Variants in CEP72 observed in about 807,000 individuals in gnomAD.
CEP72 encodes the protein centrosomal protein of 72 kDa.
In CEP72, 78 loss-of-function variants were observed where a neutral mutation model predicts 65.7. That is an observed-to-expected ratio of 1.19 (90% CI 0.99 to 1.43). The LOEUF (loss-of-function observed/expected upper bound fraction) is 1.43. Ranked by LOEUF, CEP72 falls within the 40% of genes most tolerant of loss-of-function variation. The probability of loss-of-function intolerance (pLI) is 0.00; values close to 1 mark genes in which losing one functional copy is unlikely to be tolerated. For synonymous variants in CEP72, 358 were observed against 351.7 expected (o/e 1.02, Z -0.20); for missense variants, 914 against 832.9 (o/e 1.10, Z -1.20).
Position 642,757 on chromosome 5 carries a change from G to A in CEP72, c.1540-1542G>A, listed in dbSNP as rs983071843. 6.1e-6 allele frequency: 6 copies of A among 985,408 alleles called. No individual in the cohort carries two copies. In the African/African-American group the frequency reaches 1.0e-4, roughly 17 times the overall value. The allele number at this position is 985,408 out of a possible 1,614,324, so 61.0% of individuals were successfully genotyped here. Reference sequence around the variant, plus strand: ...GAGCCCCGCGGGTAAGGAGCAGTCAGCACCGTCAGGAACCCCGCGGAGGGA... The same window carrying A: ...GAGCCCCGCGGGTAAGGAGCAGTCAACACCGTCAGGAACCCCGCGGAGGGA... On this transcript the variant is annotated intron_variant, in intron 9 of 11. Transcript: ENST00000264935.
At chr5:641,246 G>A (rs1421524775) in intron 9 of CEP72, 1 of 985,288 alleles carries the variant, frequency 1.0e-6, no homozygotes, top group African/African-American at 1.7e-5. Context: ...CACGCTGCAA[G>A]GGCCTCCCCA....
At position 624,219 on chromosome 5, in the gene CEP72, T is replaced by C. The variant is rs953886883; in HGVS notation, c.404-252T>C. On this transcript the variant is annotated intron_variant, in intron 3 of 11. Transcript: ENST00000264935. This position sits in a 1 kb window ranked among gnomAD's most constrained non-coding sequence, Gnocchi z 4.7. Reference sequence around the variant, plus strand: ...TTTAGAGAAAGGGTGTGCGTGTGTGTGTGTGAGCCTCATCTGTGTGCGGCT... The same window carrying C: ...TTTAGAGAAAGGGTGTGCGTGTGTGCGTGTGAGCCTCATCTGTGTGCGGCT... Among the ~76,000 whole-genome samples, 4 of 152,316 alleles carry C rather than the reference T, an allele frequency of 2.6e-5. No homozygotes were observed. The highest frequency in any genetic ancestry group is 9.6e-5 in the African/African-American group (4 of 41,560).
At chr5:674,850 C>T in the CEP72 span, among the ~76,000 whole-genome samples, 1 of 151,740 alleles carries the variant, frequency 6.6e-6, no homozygotes, top group Admixed American at 6.5e-5. Context: ...GATGTGGGAG[C>T]TCCAGCGAGC....
rs536312385 is a variant in CEP72 at position 633,369 on chromosome 5, G to C, written c.513-400G>C. On this transcript the variant is annotated intron_variant, in intron 4 of 11. Coordinates refer to ENST00000264935, the MANE Select transcript of CEP72 (RefSeq NM_018140.4). The stretch of plus-strand genomic sequence containing the variant: ...AGTGCCAGGATTTAGTCCCGTCCTG[G>C]TGGGGTTCTGTCCAGTGCTGGATTT... Among the ~76,000 whole-genome samples the C allele has an allele frequency of 8.3e-4, 101 of 121,500 alleles. 3 individuals are homozygous for C. Among genetic ancestry groups the C allele is most frequent in the African/African-American group, 2.9e-3 (100 of 34,932 alleles). 79.7% of individuals were successfully genotyped at this position (121,500 alleles called of 152,430 possible).
At chr5:664,944 G>A in intron 2 of CEP72, 2 of 771,780 alleles carry the variant, frequency 2.6e-6, no homozygotes, top group East Asian at 2.7e-5. Context: ...CCGGTAGGAG[G>A]AGGGGCAGGA....
chr5:649,799 C>T (rs868372821), intron 11 of CEP72, among the ~76,000 whole-genome samples: 1 of 60,226 alleles, frequency 1.7e-5, no homozygotes, highest in African/African-American at 6.6e-5. Flanking sequence ...TGAGGTGTGA[C>T]TGTGAGGTGT....
At chr5:648,262 CTGAGTGTGAGATG>C (rs1738557508) in intron 11 of CEP72, among the ~76,000 whole-genome samples, 1 of 141,428 alleles carries the variant, frequency 7.1e-6, no homozygotes, top group Admixed American at 7.0e-5. Context: ...GGTATCAACC[CTGAGTGTGAGATG>C]TGACTGTGAG....
intron 7 of CEP72, 53 bp from the exon 8 acceptor site, chr5:639,036 T>C: frequency 6.2e-7 from 1 of 1,608,956 alleles, no homozygotes; most frequent in South Asian, 1.1e-5. Context: ...CCTGCTGGCA[T>C]TCAGGACCTC....
intron 1 of CEP72, among the ~76,000 whole-genome samples, chr5:617,570 C>T (rs950859422): frequency 1.3e-5 from 2 of 152,240 alleles, no homozygotes; most frequent in African/African-American, 2.4e-5. Context: ...CCCCTCCTGA[C>T]CCTGTCCCGG....
chr5:619,486 AGAACCGTGG>A (rs999085066), intron 2 of CEP72, among the ~76,000 whole-genome samples: 18 of 152,208 alleles, frequency 1.2e-4, no homozygotes, highest in African/African-American at 4.3e-4. Context: ...TGGCCCTGAC[AGAACCGTGG>A]GATGCGCCTG....
intron 11 of CEP72, among the ~76,000 whole-genome samples, chr5:649,840 T>C (rs1738829968): frequency 1.1e-5 from 1 of 93,584 alleles, no homozygotes; most frequent in African/African-American, 3.8e-5. Flanking sequence ...GAGGCGTGAC[T>C]GTGAGGCGTG....
intron 11 of CEP72, among the ~76,000 whole-genome samples, chr5:648,424 T>C (rs1455117269): frequency 1.4e-5 from 2 of 143,346 alleles, no homozygotes; most frequent in Non-Finnish European, 3.0e-5. Flanking sequence ...CCATGGGGTG[T>C]GGGCTGTGAG....
chr5:628,552 AGT>A (rs1736933351), intron 4 of CEP72, among the ~76,000 whole-genome samples: 6 of 28,018 alleles, frequency 2.1e-4, no homozygotes, highest in East Asian at 1.0e-3. Context: ...CTCAGGTTGC[AGT>A]CCCCGGGGAG....
rs1736541542 is a variant in CEP72 at position 623,620 on chromosome 5, T to C, written c.404-851T>C. Among the ~76,000 whole-genome samples the C allele has an allele frequency of 6.6e-6, 1 of 151,710 alleles. No individual in the cohort carries two copies. Among genetic ancestry groups the C allele is most frequent in the Admixed American group, 6.6e-5 (1 of 15,244 alleles). ...TGGTGGGCAGAGAGCTATGCGTCGT[T>C]AGTGCGGGGCTGGTGAAGGCCGGGG... On this transcript the variant is annotated intron_variant, in intron 3 of 11. Transcript: ENST00000264935. This position sits in a 1 kb window ranked among gnomAD's most constrained non-coding sequence, Gnocchi z 5.3.
At chr5:643,705 G>C in intron 9 of CEP72, 12 of 976,172 alleles carry the variant, frequency 1.2e-5, no homozygotes, top group Non-Finnish European at 1.5e-5. Flanking sequence ...GGCCGCAGGT[G>C]CTGGCGGCTT....
chr5:628,786 C>G (rs1471148622), intron 4 of CEP72, among the ~76,000 whole-genome samples: 1 of 141,924 alleles, frequency 7.0e-6, no homozygotes, highest in Non-Finnish European at 1.6e-5. Context: ...ACCCAGCCCC[C>G]TTCTTTGTGC....
chr5:620,026 T>C (rs770729194), intron 2 of CEP72, 43 bp from the exon 3 acceptor site: 1 of 1,533,476 alleles, frequency 6.5e-7, no homozygotes, highest in South Asian at 1.1e-5. Context: ...TGTGTATTTC[T>C]TGTTTAAAGT....
At chr5:669,875 C>G (rs978453820), downstream of CEP72, among the ~76,000 whole-genome samples, 15 of 152,178 alleles carry the variant, frequency 9.9e-5, no homozygotes, top group Admixed American at 1.3e-4. Context: ...GACACTCAGT[C>G]TGGCTGCCCG....
intron 4 of CEP72, among the ~76,000 whole-genome samples, chr5:625,499 C>T: frequency 6.6e-6 from 1 of 152,226 alleles, no homozygotes; most frequent in Non-Finnish European, 1.5e-5. Flanking sequence ...AGCACGGAAG[C>T]CAGGATGGTG....
Sources: gnomAD v4.1 joint callset for allele counts (sites outside exome capture counted in the v4.1 genomes callset) on GRCh38, gnomAD v4.1.1 for gene constraint, Gnocchi (gnomAD v3.1) non-coding constraint, MANE v1.5 for transcripts, NCBI Gene and HGNC (gene_info 2026-07-23, HGNC 2026-07-21) for gene names.